PDGFC: variants seen among roughly 807,000 people sequenced by gnomAD.
PDGFC encodes the protein platelet derived growth factor C.
Under a neutral mutation model 35.5 loss-of-function variants are expected in PDGFC, and 12 were observed. The ratio of observed to expected loss-of-function variants is 0.34; its 90% confidence interval spans 0.22 to 0.55. PDGFC has a LOEUF of 0.55. Among genes scored for constraint, PDGFC ranks in the 20% least tolerant of loss-of-function variants. PDGFC has a pLI of 0.91. For missense variants in PDGFC, 322 were observed against 412.4 expected (o/e 0.78, Z 1.90); for synonymous variants, 159 against 148.8 (o/e 1.07, Z -0.50).
At chr4:156,958,695 C>T (rs371089434) in intron 1 of PDGFC, among the ~76,000 whole-genome samples, 22 of 152,164 alleles carry the variant, frequency 1.4e-4, no homozygotes, top group Middle Eastern at 3.4e-3. Context: ...ACCATTAATG[C>T]GCAGCACAAC....
At chr4:156,812,612 A>G (rs1731968835) in intron 2 of PDGFC, among the ~76,000 whole-genome samples, 1 of 152,144 alleles carries the variant, frequency 6.6e-6, no homozygotes, top group Non-Finnish European at 1.5e-5. Context: ...TGAAAGAAAA[A>G]GTTGCTGAAA....
Position 156,813,065 on chromosome 4 carries a change from T to TA in PDGFC, c.315-2049dup, listed in dbSNP as rs1305666609. 2.0e-5 allele frequency among the ~76,000 whole-genome samples: 3 copies of TA among 152,162 alleles called. No individual in the cohort carries two copies. In the East Asian group the frequency reaches 5.8e-4, roughly 29 times the overall value. ...ATGTGTGTGCGGGATGTGGAAGGGT[T>TA]AGGCAGTGTATGTGTGTGGTTCGGG... On this transcript the variant is annotated intron_variant, in intron 2 of 5. Coordinates refer to ENST00000502773, the MANE Select transcript of PDGFC (RefSeq NM_016205.3).
intron 1 of PDGFC, among the ~76,000 whole-genome samples, chr4:156,907,544 C>T (rs1730943590): frequency 6.6e-6 from 1 of 152,114 alleles, no homozygotes; most frequent in African/African-American, 2.4e-5. Flanking sequence ...ACATTGAGGG[C>T]CCCCCACTCA....
chr4:156,900,147 C>A (rs1489143037), intron 1 of PDGFC, among the ~76,000 whole-genome samples: 1 of 152,192 alleles, frequency 6.6e-6, no homozygotes, highest in East Asian at 1.9e-4. Context: ...TAATCCCAAT[C>A]TCCAATCTTG....
intron 3 of PDGFC, among the ~76,000 whole-genome samples, chr4:156,785,105 G>T (rs1426842018): frequency 6.6e-6 from 1 of 152,210 alleles, no homozygotes; most frequent in Non-Finnish European, 1.5e-5. Flanking sequence ...TCAGGGATAT[G>T]ATTGCCACTG....
intron 1 of PDGFC, among the ~76,000 whole-genome samples, chr4:156,955,544 A>G (rs761746995): frequency 3.3e-5 from 5 of 152,048 alleles, no homozygotes; most frequent in African/African-American, 4.8e-5. Context: ...AAAGCTGGGA[A>G]AAACCCTATT....
intron 3 of PDGFC, among the ~76,000 whole-genome samples, chr4:156,810,232 CTT>C (rs553580891): frequency 9.2e-5 from 14 of 151,606 alleles, no homozygotes; most frequent in Non-Finnish European, 1.9e-4. Context: ...TTATATTAAA[CTT>C]TAAAAAGTTT....
chr4:156,893,712 C>T lies in PDGFC; in HGVS notation c.119-43296G>A, dbSNP rs186220197. Among the ~76,000 whole-genome samples the T allele has an allele frequency of 3.5e-3, 536 of 151,924 alleles. 4 individuals carry two copies. Among genetic ancestry groups the T allele is most frequent in the Non-Finnish European group, 4.9e-3 (332 of 67,978 alleles). ...TGCTTATGCAAGGACAATTACTGCT[C>T]AGATTGGTCTGTTAGTATGCTTCAT... On this transcript the variant is annotated intron_variant, in intron 1 of 5. Transcript: ENST00000502773.
At chr4:156,964,875 T>C (rs1732428894) in intron 1 of PDGFC, among the ~76,000 whole-genome samples, 1 of 152,254 alleles carries the variant, frequency 6.6e-6, no homozygotes, top group South Asian at 2.1e-4. Flanking sequence ...CTGTGCAAGT[T>C]ATCCTTGAGC....
At chr4:156,822,187 A>G (rs1402881206) in intron 2 of PDGFC, among the ~76,000 whole-genome samples, 9 of 151,858 alleles carry the variant, frequency 5.9e-5, no homozygotes, top group Non-Finnish European at 1.2e-4. Flanking sequence ...GTGAAACCCC[A>G]TCTCTACTAA....
chr4:156,767,738 C>A (rs771432613), intron 5 of PDGFC, 35 bp downstream of exon 5: 2 of 1,333,580 alleles, frequency 1.5e-6, no homozygotes, highest in South Asian at 2.4e-5. Context: ...ACATAAAATA[C>A]CCGAAGGAAA....
At chr4:156,862,723 C>T (rs115712131) in intron 1 of PDGFC, among the ~76,000 whole-genome samples, 3,180 of 139,186 alleles carry the variant, frequency 0.023, 58 homozygotes, top group Non-Finnish European at 0.034. Flanking sequence ...TTATCTCTCT[C>T]TCTTTTTTTT....
intron 1 of PDGFC, among the ~76,000 whole-genome samples, chr4:156,924,281 C>T (rs1731355626): frequency 6.6e-6 from 1 of 152,172 alleles, no homozygotes; most frequent in African/African-American, 2.4e-5. Flanking sequence ...TCCTTTTATT[C>T]TGTGTAAAAT....
intron 1 of PDGFC, among the ~76,000 whole-genome samples, chr4:156,946,654 G>A (rs1051865624): frequency 4.6e-5 from 7 of 152,124 alleles, no homozygotes; most frequent in Middle Eastern, 3.4e-3. Context: ...AGAAAGACAC[G>A]TCATGATGAG....
intron 3 of PDGFC, among the ~76,000 whole-genome samples, chr4:156,797,311 C>A (rs1731471858): frequency 6.6e-6 from 1 of 151,666 alleles, no homozygotes; most frequent in African/African-American, 2.4e-5. Context: ...CAAAAAAATA[C>A]TTGTGAATTA....
At chr4:156,790,412 C>T (rs111427580) in intron 3 of PDGFC, among the ~76,000 whole-genome samples, 11 of 152,182 alleles carry the variant, frequency 7.2e-5, no homozygotes, top group African/African-American at 2.7e-4. Context: ...GACTTAAGAG[C>T]TAAGAGACAA....
chr4:156,843,269 C>A (rs1309302523), intron 2 of PDGFC, among the ~76,000 whole-genome samples: 1 of 152,176 alleles, frequency 6.6e-6, no homozygotes, highest in East Asian at 1.9e-4. Context: ...AGCTGGTCCT[C>A]CATCGCCAGA....
intron 2 of PDGFC, among the ~76,000 whole-genome samples, chr4:156,843,913 A>G (rs1252319614): frequency 6.6e-6 from 1 of 152,076 alleles, no homozygotes; most frequent in Non-Finnish European, 1.5e-5. Context: ...AACTCCTTCA[A>G]CTGAAGCATC....
intron 1 of PDGFC, among the ~76,000 whole-genome samples, chr4:156,851,930 CAAAAAAAAAAAA>C (rs61505882): frequency 9.0e-4 from 43 of 47,854 alleles, no homozygotes; most frequent in African/African-American, 2.4e-3. Flanking sequence ...GACTCCATCT[CAAAAAAAAAAAA>C]AAAAAAAAAA....
Sources: gnomAD v4.1 joint callset for allele counts (sites outside exome capture counted in the v4.1 genomes callset) on GRCh38, gnomAD v4.1.1 for gene constraint, MANE v1.5 for transcripts, NCBI Gene and HGNC (gene_info 2026-07-23, HGNC 2026-07-21) for gene names.